NDST4: variants seen among roughly 807,000 people sequenced by gnomAD.
The protein encoded by NDST4 is N-deacetylase and N-sulfotransferase 4.
In NDST4, 63 loss-of-function variants were observed where a neutral mutation model predicts 100.8. The ratio of observed to expected loss-of-function variants is 0.62; its 90% confidence interval spans 0.51 to 0.77. The LOEUF is 0.77. Ranked by LOEUF, NDST4 falls within the 30% of genes least tolerant of loss-of-function variation. NDST4 has a pLI of 0.00. For missense variants in NDST4, 943 were observed against 1,018.4 expected (o/e 0.93, Z 1.01); for synonymous variants, 377 against 361.8 (o/e 1.04, Z -0.48).
Position 115,004,590 on chromosome 4 carries a change from G to A in NDST4, c.979-27316C>T, listed in dbSNP as rs186949858. 2.4e-3 allele frequency among the ~76,000 whole-genome samples: 370 copies of A among 152,200 alleles called. 3 individuals are homozygous for A. The highest frequency in any genetic ancestry group is 8.5e-3 in the African/African-American group (355 of 41,534). ...AAGTAAAGCTGGCCCTGAGCATGAG[G>A]TTGGTATAAATATATCTTCATCTTG... On this transcript the variant is annotated intron_variant, in intron 2 of 13. Coordinates refer to ENST00000264363, the MANE Select transcript of NDST4 (RefSeq NM_022569.3).
intron 11 of NDST4, among the ~76,000 whole-genome samples, chr4:114,837,971 T>G: frequency 6.6e-6 from 1 of 151,974 alleles, no homozygotes; most frequent in East Asian, 1.9e-4. Flanking sequence ...TTAAACAAAT[T>G]TATAAGAAAA....
At position 115,018,589 on chromosome 4, in the gene NDST4, G is replaced by A. The variant is rs528464288; in HGVS notation, c.979-41315C>T. On this transcript the variant is annotated intron_variant, in intron 2 of 13. Transcript: ENST00000264363. ...ATATTCAAATAAGTGATTTTTATCA[G>A]GGATTGCAGGATAGACTGTAGATCC... Among the ~76,000 whole-genome samples, 3 of 151,928 alleles carry A rather than the reference G, an allele frequency of 2.0e-5. No individual in the cohort carries two copies. In the South Asian group the frequency reaches 6.2e-4, roughly 32 times the overall value.
chr4:114,841,869 G>T lies in NDST4; in HGVS notation c.2116-2321C>A, dbSNP rs1004385998. 2.0e-5 allele frequency among the ~76,000 whole-genome samples: 3 copies of T among 151,692 alleles called. No individual in the cohort carries two copies. In the East Asian group the frequency reaches 5.8e-4, roughly 29 times the overall value. The stretch of plus-strand genomic sequence containing the variant: ...TGTTTTTTTTGGATCCCAACTACTC[G>T]ACCTCCAGTTTGCAATGTCACATTT... On this transcript the variant is annotated intron_variant, in intron 10 of 13. Coordinates refer to ENST00000264363, the MANE Select transcript of NDST4 (RefSeq NM_022569.3).
chr4:115,013,347 A>ATG, intron 2 of NDST4, among the ~76,000 whole-genome samples: 6 of 32,684 alleles, frequency 1.8e-4, no homozygotes, highest in Non-Finnish European at 2.4e-4. Context: ...TATAAATACC[A>ATG]TATATATATA....
chr4:114,999,771 T>C (rs1331146165), intron 2 of NDST4, among the ~76,000 whole-genome samples: 6 of 152,000 alleles, frequency 3.9e-5, no homozygotes, highest in Non-Finnish European at 8.8e-5. Context: ...TCCTAAAATA[T>C]GGAAGTCAGG....
At chr4:114,900,403 G>T (rs982565191) in intron 6 of NDST4, among the ~76,000 whole-genome samples, 6 of 151,014 alleles carry the variant, frequency 4.0e-5, no homozygotes, top group Admixed American at 6.6e-5. Flanking sequence ...AGCTTAGATT[G>T]ATTCTAGATC....
chr4:114,933,440 T>TC (rs1725557416), intron 6 of NDST4, among the ~76,000 whole-genome samples: 1 of 139,772 alleles, frequency 7.2e-6, no homozygotes, highest in Non-Finnish European at 1.5e-5. Context: ...TCCTTTTTTT[T>TC]TTTTTTTTTT....
At position 114,848,345 on chromosome 4, in the gene NDST4, C is replaced by A; in HGVS notation, c.1817-7G>T. 1.9e-6 allele frequency: 3 copies of A among 1,558,502 alleles called. No individual in the cohort carries two copies. The highest frequency in any genetic ancestry group is 2.4e-5 in the South Asian group (2 of 82,516). On this transcript the variant is annotated splice_polypyrimidine_tract_variant and splice_region_variant and intron_variant, in intron 8 of 13. Transcript: ENST00000264363. ...AAATAAAGTGCAGTTGTTCCTGTTA[C>A]AAAAAAAGAAAGTAAAAGGTTATAT... is the stretch of plus-strand genomic sequence containing the variant.
At position 115,071,071 on chromosome 4, in the gene NDST4, C is replaced by T. The variant is rs555634925; in HGVS notation, c.978+4988G>A. 4.6e-5 allele frequency among the ~76,000 whole-genome samples: 7 copies of T among 151,952 alleles called. No homozygotes were observed. In the South Asian group the frequency reaches 1.5e-3, roughly 31 times the overall value. The stretch of plus-strand genomic sequence containing the variant: ...AATGAGCTGAGTTTGTGCCACTATA[C>T]TCCAGCCTGGGCAATAAATAGAGCA... On this transcript the variant is annotated intron_variant, in intron 2 of 13. Coordinates refer to ENST00000264363, the MANE Select transcript of NDST4 (RefSeq NM_022569.3).
At chr4:115,095,910 C>A (rs963990056) in intron 1 of NDST4, among the ~76,000 whole-genome samples, 9 of 152,014 alleles carry the variant, frequency 5.9e-5, no homozygotes, top group African/African-American at 2.2e-4. Flanking sequence ...TCACAATCTT[C>A]TATTTCTTTT....
At chr4:115,113,011 T>C (rs916570111) in intron 1 of NDST4, among the ~76,000 whole-genome samples, 1 of 151,894 alleles carries the variant, frequency 6.6e-6, no homozygotes, top group Non-Finnish European at 1.5e-5. Context: ...GGAGTTCCCA[T>C]CTTCGGTAAT....
At chr4:114,965,454 A>G (rs1256785056) in intron 4 of NDST4, among the ~76,000 whole-genome samples, 1 of 151,922 alleles carries the variant, frequency 6.6e-6, no homozygotes. Context: ...CTTAATGTAT[A>G]TTGTGTAATT....
chr4:114,844,195 T>C (rs1027109751), intron 10 of NDST4, among the ~76,000 whole-genome samples: 7 of 152,232 alleles, frequency 4.6e-5, no homozygotes, highest in South Asian at 2.1e-4. Context: ...CCTCACTAAG[T>C]CTATTGCAAT....
chr4:114,928,131 C>T (rs141093438), intron 6 of NDST4, among the ~76,000 whole-genome samples: 3 of 152,282 alleles, frequency 2.0e-5, no homozygotes, highest in Middle Eastern at 3.4e-3. Context: ...TATTAACTAA[C>T]TTCTTTCCTT....
intron 4 of NDST4, among the ~76,000 whole-genome samples, chr4:114,963,153 C>T (rs550808130): frequency 6.6e-6 from 1 of 152,072 alleles, no homozygotes; most frequent in Non-Finnish European, 1.5e-5. Flanking sequence ...TGGAAACAAC[C>T]CCAAAACAAC....
intron 2 of NDST4, among the ~76,000 whole-genome samples, chr4:115,057,608 G>A (rs1262887976): frequency 1.3e-5 from 2 of 151,894 alleles, no homozygotes; most frequent in Non-Finnish European, 2.9e-5. Flanking sequence ...AGTACACATC[G>A]ATTCAGCCAT....
intron 1 of NDST4, 49 bp from the exon 2 acceptor site, chr4:115,077,331 ATATT>A (rs1284621376): frequency 3.4e-5 from 6 of 175,502 alleles, no homozygotes; most frequent in Non-Finnish European, 4.8e-5. Flanking sequence ...AGAAATATAA[ATATT>A]TATTTCTATA....
chr4:114,931,235 C>T (rs1050868183), intron 6 of NDST4, among the ~76,000 whole-genome samples: 2 of 151,328 alleles, frequency 1.3e-5, no homozygotes, highest in African/African-American at 2.4e-5. Context: ...ATTAAACACA[C>T]GCTTCTTAAA....
intron 2 of NDST4, among the ~76,000 whole-genome samples, chr4:114,979,917 T>G (rs1726728518): frequency 1.3e-5 from 2 of 152,128 alleles, no homozygotes; most frequent in African/African-American, 4.8e-5. Context: ...GTTCTTTAGT[T>G]TTCAAACTTC....
Sources: gnomAD v4.1 joint callset for allele counts (sites outside exome capture counted in the v4.1 genomes callset) on GRCh38, gnomAD v4.1.1 for gene constraint, MANE v1.5 for transcripts, NCBI Gene and HGNC (gene_info 2026-07-23, HGNC 2026-07-21) for gene names.